Variants in HESX1 observed in about 807,000 individuals in gnomAD.
HESX1 encodes the protein homeobox expressed in ES cells 1.
A neutral mutation model predicts 22.5 loss-of-function variants in HESX1; 11 were observed. That is an observed-to-expected ratio of 0.49 (90% CI 0.31 to 0.81). HESX1 has a LOEUF of 0.81. HESX1 is among the 30% of genes least tolerant of loss of function. HESX1 has a pLI of 0.05. For synonymous variants in HESX1, 74 were observed against 76.5 expected (o/e 0.97, Z 0.17); for missense variants, 201 against 212.6 (o/e 0.95, Z 0.34).
At position 57,199,834 on chromosome 3, in the gene HESX1, G is replaced by C. The variant is rs370413692; in HGVS notation, c.85C>G (p.Leu29Val). The change falls in exon 1 of 4, where the codon CTG becomes GTG. Residue 29 changes from leucine (L) to valine (V), a missense_variant. Transcript: ENST00000295934. ...CSFSIERILG[L>V]DQKKDCVPLM... The stretch of plus-strand genomic sequence containing the variant: ...GGAACACAGTCTTTCTTCTGGTCCA[G>C]TCCTAAGATTCTCTCAATTGAAAAG... 5.6e-6 allele frequency: 9 copies of C among 1,614,056 alleles called. No individual in the cohort carries two copies. The highest frequency in any genetic ancestry group is 5.9e-6 in the Non-Finnish European group (7 of 1,179,960).
chr3:57,209,729 C>A (rs2060542089), intron 1 of HESX1, among the ~76,000 whole-genome samples: 2 of 149,248 alleles, frequency 1.3e-5, no homozygotes, highest in Admixed American at 1.3e-4. Flanking sequence ...AAAACAAACA[C>A]CTTTGTTTTG....
chr3:57,214,488 A>G (rs1426009732), intron 1 of HESX1, among the ~76,000 whole-genome samples: 1 of 152,216 alleles, frequency 6.6e-6, no homozygotes, highest in Non-Finnish European at 1.5e-5. Context: ...CTGGGTCTAA[A>G]TTCCAGCTCT....
At chr3:57,211,557 G>A (rs1469588871) in intron 1 of HESX1, among the ~76,000 whole-genome samples, 1 of 80,076 alleles carries the variant, frequency 1.2e-5, no homozygotes, top group Admixed American at 1.5e-4. Flanking sequence ...AAAAAGCCAG[G>A]CATGGTGGCT....
intron 1 of HESX1, among the ~76,000 whole-genome samples, chr3:57,208,726 C>T (rs1277470339): frequency 1.3e-5 from 2 of 148,364 alleles, no homozygotes; most frequent in Admixed American, 6.7e-5. Flanking sequence ...TTTGGGAGGC[C>T]GAGGCGGGCG....
intron 1 of HESX1, among the ~76,000 whole-genome samples, chr3:57,221,880 T>C (rs1432823937): frequency 3.3e-5 from 5 of 152,200 alleles, no homozygotes; most frequent in Admixed American, 2.0e-4. Context: ...GCTGGGATTA[T>C]AGGCATGAGC....
chr3:57,215,892 G>C (rs2060580335), intron 1 of HESX1, among the ~76,000 whole-genome samples: 1 of 152,188 alleles, frequency 6.6e-6, no homozygotes, highest in Non-Finnish European at 1.5e-5. Context: ...GTTTTAATCT[G>C]TAATGTTTTT....
intron 1 of HESX1, among the ~76,000 whole-genome samples, chr3:57,215,047 C>A (rs1424461977): frequency 6.6e-6 from 1 of 152,018 alleles, no homozygotes; most frequent in Non-Finnish European, 1.5e-5. Context: ...TGAAAATGGA[C>A]AGAATGTGAT....
intron 1 of HESX1, among the ~76,000 whole-genome samples, chr3:57,206,302 A>G (rs2060519032): frequency 6.6e-6 from 1 of 152,246 alleles, no homozygotes; most frequent in Non-Finnish European, 1.5e-5. Flanking sequence ...AGTAACATGA[A>G]GACAGAAATA....
intron 1 of HESX1, among the ~76,000 whole-genome samples, chr3:57,217,819 G>C (rs1335985005): frequency 6.6e-6 from 1 of 152,030 alleles, no homozygotes; most frequent in Non-Finnish European, 1.5e-5. Flanking sequence ...CCCCACTTTT[G>C]TTCCAACATC....
At chr3:57,226,829 G>A (rs1330175574), upstream of HESX1, among the ~76,000 whole-genome samples, 3 of 152,182 alleles carry the variant, frequency 2.0e-5, no homozygotes, top group African/African-American at 7.2e-5. Flanking sequence ...TCTGTATAAT[G>A]ATGAAAGCCT....
chr3:57,223,296 G>A lies in HESX1; in HGVS notation c.-111+3000C>T, dbSNP rs1035685394. Among the ~76,000 whole-genome samples, 12 of 152,274 alleles carry A rather than the reference G, an allele frequency of 7.9e-5. No homozygotes were observed. In the South Asian group the frequency reaches 2.5e-3, roughly 32 times the overall value. On this transcript the variant is annotated intron_variant, in intron 1 of 2. Coordinates refer to the HESX1 transcript ENST00000495160. ...GATGCTATTTTGTGTTAAAGTTCTT[G>A]GCCTGCTCAGACAAATTAATTAATG...
intron 1 of HESX1, among the ~76,000 whole-genome samples, chr3:57,207,251 CA>C (rs900961915): frequency 5.9e-5 from 9 of 152,166 alleles, no homozygotes; most frequent in Admixed American, 5.9e-4. Flanking sequence ...TACTGGGCCA[CA>C]ATATAGTTTT....
chr3:57,207,007 G>A (rs982194356), intron 1 of HESX1, among the ~76,000 whole-genome samples: 13 of 152,064 alleles, frequency 8.5e-5, no homozygotes, highest in Non-Finnish European at 1.8e-4. Flanking sequence ...GAGTGCAGTG[G>A]CACGATCTTG....
intron 1 of HESX1, among the ~76,000 whole-genome samples, chr3:57,219,460 C>T (rs2107583862): frequency 6.6e-6 from 1 of 152,082 alleles, no homozygotes; most frequent in East Asian, 1.9e-4. Flanking sequence ...CTCTGCCTCC[C>T]AGATTCACGC....
At chr3:57,205,475 T>C (rs890961364) in intron 1 of HESX1, among the ~76,000 whole-genome samples, 1 of 152,184 alleles carries the variant, frequency 6.6e-6, no homozygotes, top group African/African-American at 2.4e-5. Context: ...TGCAGGACCC[T>C]ACATGACCTG....
At chr3:57,211,038 G>C (rs2060550042) in intron 1 of HESX1, among the ~76,000 whole-genome samples, 1 of 151,980 alleles carries the variant, frequency 6.6e-6, no homozygotes, top group Non-Finnish European at 1.5e-5. Context: ...GACCAATATG[G>C]AGAAACCCCA....
At chr3:57,227,162 A>G (rs936916247), upstream of HESX1, among the ~76,000 whole-genome samples, 7 of 152,264 alleles carry the variant, frequency 4.6e-5, no homozygotes, top group Admixed American at 6.5e-5. Context: ...GAACTGATAA[A>G]CTGGCAACAA....
chr3:57,202,612 C>T (rs1386172085), upstream of HESX1, among the ~76,000 whole-genome samples: 1 of 152,206 alleles, frequency 6.6e-6, no homozygotes, highest in East Asian at 1.9e-4. Context: ...GGTGGGATTA[C>T]AGGTGTGAGC....
intron 1 of HESX1, among the ~76,000 whole-genome samples, chr3:57,205,366 T>C (rs1389049857): frequency 1.3e-5 from 2 of 152,090 alleles, no homozygotes. Context: ...ACTATACAAC[T>C]GCACTTCAGC....
Sources: gnomAD v4.1 joint callset for allele counts (sites outside exome capture counted in the v4.1 genomes callset) on GRCh38, gnomAD v4.1.1 for gene constraint, MANE v1.5 for transcripts, NCBI Gene and HGNC (gene_info 2026-07-23, HGNC 2026-07-21) for gene names.